PCDHA9: variants seen among roughly 807,000 people sequenced by gnomAD.
PCDHA9 encodes the protein protocadherin alpha-9.
A neutral mutation model predicts 62.0 loss-of-function variants in PCDHA9; 62 were observed. The ratio of observed to expected loss-of-function variants is 1.00; its 90% CI spans 0.81 to 1.23. The LOEUF (loss-of-function observed/expected upper bound fraction) is 1.23. Ranked by LOEUF, PCDHA9 falls within the 50% of genes most tolerant of loss-of-function variation. PCDHA9 has a pLI of 0.00. For missense variants in PCDHA9, 1,205 were observed against 1,249.8 expected (o/e 0.96, Z 0.54); for synonymous variants, 557 against 567.6 (o/e 0.98, Z 0.27).
At chr5:140,990,273 G>A (rs2097384089) in intron 3 of PCDHA9, among the ~76,000 whole-genome samples, 2 of 152,100 alleles carry the variant, frequency 1.3e-5, no homozygotes, top group African/African-American at 4.8e-5. Flanking sequence ...AATGTACCCC[G>A]GGTCTTGAGA....
chr5:140,946,766 G>A (rs1554217856), intron 1 of PCDHA9, among the ~76,000 whole-genome samples: 1 of 151,394 alleles, frequency 6.6e-6, no homozygotes, highest in South Asian at 2.1e-4. Flanking sequence ...TCTCATTCAT[G>A]TGGAATGTAA....
chr5:140,881,414 A>G, intron 1 of PCDHA9: 1 of 936,538 alleles, frequency 1.1e-6, no homozygotes, highest in African/African-American at 1.8e-5. Flanking sequence ...TCAATAGGAT[A>G]TTAGTTCCAG....
intron 1 of PCDHA9, chr5:140,877,691 T>G: frequency 6.2e-7 from 1 of 1,613,746 alleles, no homozygotes. Context: ...CCCACGCTGG[T>G]GTGCTCCAGC....
At chr5:140,964,213 A>G (rs1338010666) in intron 1 of PCDHA9, among the ~76,000 whole-genome samples, 10 of 152,210 alleles carry the variant, frequency 6.6e-5, no homozygotes, top group African/African-American at 1.9e-4. Flanking sequence ...CTTTAGTACA[A>G]TGTCTTTCAA....
intron 3 of PCDHA9, among the ~76,000 whole-genome samples, chr5:140,998,364 C>T (rs2097808386): frequency 6.6e-6 from 1 of 152,192 alleles, no homozygotes; most frequent in South Asian, 2.1e-4. Flanking sequence ...AACCACTGCA[C>T]ACACCGTCTC....
At chr5:140,856,839 AC>A (rs1220009978) in intron 1 of PCDHA9, 1 of 1,592,554 alleles carries the variant, frequency 6.3e-7, no homozygotes, top group East Asian at 2.2e-5. Context: ...ATACGGCTCA[AC>A]GCTTCTGATT....
At chr5:140,942,543 G>C (rs1272048967) in intron 1 of PCDHA9, among the ~76,000 whole-genome samples, 1 of 152,056 alleles carries the variant, frequency 6.6e-6, no homozygotes, top group Non-Finnish European at 1.5e-5. Flanking sequence ...GTATGGTGGG[G>C]GGTAGGGGGT....
intron 1 of PCDHA9, chr5:140,876,422 A>G: frequency 1.2e-6 from 2 of 1,613,978 alleles, no homozygotes; most frequent in Non-Finnish European, 1.7e-6. Context: ...AATGCCTATG[A>G]AATTCAGGTT....
chr5:140,921,129 C>T (rs998046424), intron 1 of PCDHA9, among the ~76,000 whole-genome samples: 1 of 139,232 alleles, frequency 7.2e-6, no homozygotes, highest in South Asian at 2.4e-4. Context: ...TACAGGTGCA[C>T]ACCACTACAC....
chr5:140,995,346 A>G (rs2097678208), intron 3 of PCDHA9, among the ~76,000 whole-genome samples: 2 of 151,964 alleles, frequency 1.3e-5, no homozygotes, highest in South Asian at 4.2e-4. Context: ...GACGGCATGG[A>G]TAGGTCGGAC....
intron 1 of PCDHA9, among the ~76,000 whole-genome samples, chr5:140,909,861 A>C (rs782745985): frequency 6.6e-6 from 1 of 152,186 alleles, no homozygotes. Context: ...GGTCCCCTGG[A>C]GTCAACGTCA....
intron 3 of PCDHA9, among the ~76,000 whole-genome samples, chr5:140,983,911 G>A (rs546792762): frequency 6.6e-6 from 1 of 152,290 alleles, no homozygotes; most frequent in East Asian, 1.9e-4. Flanking sequence ...ATTCTAATCA[G>A]CCAGGATTTG....
chr5:140,929,226 C>G lies in PCDHA9; in HGVS notation c.2395-49723C>G, dbSNP rs782065898. ...TGTTGCGTGGGGAGTACAATGCTGC[C>G]GACCTGCGAAATCTTGCCACTGGGG... is the stretch of plus-strand genomic sequence containing the variant. On this transcript the variant is annotated intron_variant, in intron 1 of 3. Transcript: ENST00000532602. 5.0e-6 allele frequency: 8 copies of G among 1,613,768 alleles called. No homozygotes were observed. In the South Asian group the frequency reaches 8.8e-5, roughly 18 times the overall value.
chr5:140,878,516 G>C (rs2057626740), intron 1 of PCDHA9, among the ~76,000 whole-genome samples: 1 of 152,122 alleles, frequency 6.6e-6, no homozygotes, highest in African/African-American at 2.4e-5. Context: ...CAGTACAGTT[G>C]GTAACCAACT....
At position 140,876,152 on chromosome 5, in the gene PCDHA9, A is replaced by G; in HGVS notation, c.2394+25263A>G. ...AAACCAGAACTAACAGGGTCTGTCC[A>G]GATTCAAATAACCGTCCTGGATGTG... is the stretch of plus-strand genomic sequence containing the variant. On this transcript the variant is annotated intron_variant, in intron 1 of 3. Transcript: ENST00000532602. 1 of 1,613,982 alleles carries G rather than the reference A, an allele frequency of 6.2e-7. No individual in the cohort carries two copies. The highest frequency in any genetic ancestry group is 1.3e-5 in the African/African-American group (1 of 75,068).
intron 3 of PCDHA9, among the ~76,000 whole-genome samples, chr5:141,007,512 G>C (rs2098333445): frequency 6.6e-6 from 1 of 152,040 alleles, no homozygotes; most frequent in Admixed American, 6.6e-5. Context: ...AGACTGCAGT[G>C]AGCTGATATC....
intron 1 of PCDHA9, among the ~76,000 whole-genome samples, chr5:140,920,418 G>C (rs1355987486): frequency 6.6e-6 from 1 of 151,868 alleles, no homozygotes; most frequent in Non-Finnish European, 1.5e-5. Flanking sequence ...AGATACAGCT[G>C]TTCTCCCACA....
At chr5:140,966,707 A>T in intron 1 of PCDHA9, 2 of 1,379,868 alleles carry the variant, frequency 1.4e-6, no homozygotes, top group Non-Finnish European at 9.3e-7. Flanking sequence ...GGCGTGGGGC[A>T]CGGCTGGGGA....
intron 1 of PCDHA9, among the ~76,000 whole-genome samples, chr5:140,955,351 A>G (rs246019): frequency 0.56 from 85,599 of 151,868 alleles, 24,746 homozygotes; most frequent in African/African-American, 0.69. Flanking sequence ...ACATGTTGTG[A>G]GAGGGACCCA....
Sources: gnomAD v4.1 joint callset for allele counts (sites outside exome capture counted in the v4.1 genomes callset) on GRCh38, gnomAD v4.1.1 for gene constraint, MANE v1.5 for transcripts, NCBI Gene and HGNC (gene_info 2026-07-23, HGNC 2026-07-21) for gene names.